NTM: variants seen among roughly 807,000 people sequenced by gnomAD.
NTM encodes neurotrimin.
Under a neutral mutation model 42.1 loss-of-function variants are expected in NTM, and 13 were observed. The ratio of observed to expected loss-of-function variants is 0.31; its 90% CI spans 0.20 to 0.49. The LOEUF (loss-of-function observed/expected upper bound fraction) is 0.49. Among genes scored for constraint, NTM ranks in the 20% least tolerant of loss-of-function variants. The probability of loss-of-function intolerance (pLI) is 0.99; values close to 1 mark genes in which losing one functional copy is unlikely to be tolerated. For missense variants in NTM, 373 were observed against 452.8 expected, an observed-to-expected ratio of 0.82 and a Z score of 1.60; for synonymous variants, 187 against 179.2, an observed-to-expected ratio of 1.04 and a Z score of -0.35.
intron 2 of NTM, among the ~76,000 whole-genome samples, chr11:132,067,321 C>A (rs1031911805): frequency 2.6e-5 from 4 of 152,182 alleles, no homozygotes; most frequent in Non-Finnish European, 4.4e-5. Flanking sequence ...CTTGTCTGTC[C>A]CACATGCAAA....
At chr11:131,923,855 C>T (rs995824472) in intron 2 of NTM, among the ~76,000 whole-genome samples, 3 of 152,192 alleles carry the variant, frequency 2.0e-5, no homozygotes, top group Non-Finnish European at 4.4e-5. Flanking sequence ...TCCTCCCATC[C>T]CCAGTTTCAA....
chr11:131,936,650 A>G (rs753173132), intron 2 of NTM, among the ~76,000 whole-genome samples: 5 of 152,186 alleles, frequency 3.3e-5, no homozygotes, highest in Admixed American at 1.3e-4. Context: ...AATAAAAACA[A>G]TTTTTTAAAA....
intron 1 of NTM, among the ~76,000 whole-genome samples, chr11:131,852,697 A>T (rs1269983115): frequency 6.6e-6 from 1 of 152,138 alleles, no homozygotes; most frequent in Non-Finnish European, 1.5e-5. Flanking sequence ...AAGTATACCT[A>T]GGAAGGATAT....
chr11:131,692,180 C>T (rs919539149), intron 1 of NTM, among the ~76,000 whole-genome samples: 4 of 151,402 alleles, frequency 2.6e-5, no homozygotes, highest in African/African-American at 9.8e-5. Context: ...CCAGGATTGA[C>T]TCTGATGCCC....
intron 1 of NTM, among the ~76,000 whole-genome samples, chr11:131,710,197 A>G (rs976411293): frequency 1.3e-5 from 2 of 151,826 alleles, no homozygotes; most frequent in African/African-American, 4.8e-5. Context: ...ACAACTCTCA[A>G]CTCTTTCTAT....
intron 2 of NTM, among the ~76,000 whole-genome samples, chr11:132,041,756 G>A (rs567009891): frequency 6.6e-6 from 1 of 152,294 alleles, no homozygotes; most frequent in South Asian, 2.1e-4. Context: ...AATGACTGTG[G>A]CCTTTGGAAG....
chr11:131,715,990 C>T (rs547715357), intron 1 of NTM, among the ~76,000 whole-genome samples: 3 of 152,308 alleles, frequency 2.0e-5, no homozygotes, highest in African/African-American at 7.2e-5. Context: ...GTGTCTTAGT[C>T]CTTTCAAGCT....
At chr11:131,481,369 C>T (rs1285193672) in intron 1 of NTM, among the ~76,000 whole-genome samples, 3 of 152,216 alleles carry the variant, frequency 2.0e-5, no homozygotes, top group African/African-American at 4.8e-5. Context: ...CTGTGCTCAG[C>T]TTTCTGGGCA....
intron 2 of NTM, among the ~76,000 whole-genome samples, chr11:132,006,502 C>T (rs891276833): frequency 2.0e-5 from 3 of 152,200 alleles, no homozygotes; most frequent in Non-Finnish European, 4.4e-5. Flanking sequence ...GCAAGAACAT[C>T]GTAGGACAAA....
chr11:131,764,679 CAT>C (rs373415354), intron 1 of NTM, among the ~76,000 whole-genome samples: 17 of 152,264 alleles, frequency 1.1e-4, no homozygotes, highest in African/African-American at 3.6e-4. Context: ...TAAATACAAT[CAT>C]GTGTGCAATT....
chr11:131,768,786 A>G (rs995012497), intron 1 of NTM, among the ~76,000 whole-genome samples: 1 of 152,238 alleles, frequency 6.6e-6, no homozygotes, highest in Non-Finnish European at 1.5e-5. Flanking sequence ...ATTCGTTGCT[A>G]TAGCAAAAGT....
Position 131,989,742 on chromosome 11 carries a change from CAT to C in NTM, c.167+78095_167+78096del, listed in dbSNP as rs1491473657. On this transcript the variant is annotated intron_variant, in intron 2 of 8. Transcript: ENST00000683400. ...GCACACACACACACACACACACACACATGAACACATACACATACACTTACTTA... is the reference window on the plus strand; with the variant it reads ...GCACACACACACACACACACACACACGAACACATACACATACACTTACTTA... 1.8e-3 allele frequency among the ~76,000 whole-genome samples: 276 copies of C among 149,464 alleles called. 2 individuals are homozygous for C. The highest frequency in any genetic ancestry group is 6.3e-3 in the African/African-American group (252 of 40,056).
At chr11:132,114,162 A>T (rs2063577200) in intron 2 of NTM, among the ~76,000 whole-genome samples, 1 of 152,206 alleles carries the variant, frequency 6.6e-6, no homozygotes, top group Non-Finnish European at 1.5e-5. Context: ...TAAATATGGA[A>T]TGTTATTGAA....
intron 1 of NTM, chr11:131,771,440 T>C (rs546327676): frequency 6.6e-6 from 1 of 152,354 alleles, no homozygotes; most frequent in East Asian, 1.9e-4. Flanking sequence ...GGTACACCAT[T>C]CAGGATTTAA....
intron 2 of NTM, among the ~76,000 whole-genome samples, chr11:132,127,412 G>A (rs2066023139): frequency 1.3e-5 from 2 of 152,212 alleles, no homozygotes; most frequent in African/African-American, 4.8e-5. Flanking sequence ...CTGCAGTGTG[G>A]GATTCCAGGC....
chr11:131,572,364 G>A (rs2057526303), intron 1 of NTM, among the ~76,000 whole-genome samples: 2 of 152,068 alleles, frequency 1.3e-5, no homozygotes, highest in Non-Finnish European at 2.9e-5. Context: ...GCCCCCTAAG[G>A]ACACTCTTAG....
At chr11:131,932,691 G>A (rs886246761) in intron 2 of NTM, among the ~76,000 whole-genome samples, 7 of 152,218 alleles carry the variant, frequency 4.6e-5, no homozygotes, top group African/African-American at 1.4e-4. Flanking sequence ...ATACCTTAAT[G>A]AGCAGGCGTT....
chr11:131,696,781 G>A (rs1482476640), intron 1 of NTM, among the ~76,000 whole-genome samples: 5 of 133,890 alleles, frequency 3.7e-5, no homozygotes, highest in African/African-American at 1.6e-4. Context: ...GCACACCCAC[G>A]CATGCACACA....
At chr11:132,160,114 C>G (rs1210601385) in intron 3 of NTM, among the ~76,000 whole-genome samples, 1 of 152,342 alleles carries the variant, frequency 6.6e-6, no homozygotes, top group African/African-American at 2.4e-5. Flanking sequence ...TTTGTTCCCT[C>G]ACTGATACTC....
Sources: allele counts gnomAD v4.1 joint callset (sites outside exome capture counted in the v4.1 genomes callset), GRCh38; gene constraint gnomAD v4.1.1; transcripts MANE v1.5; gene names NCBI Gene and HGNC (gene_info 2026-07-23, HGNC 2026-07-21).